Variants in ACTR3B observed in about 807,000 individuals in gnomAD.
The protein encoded by ACTR3B is actin related protein 3B, also known as actin-related protein 3B.
In ACTR3B, 8 loss-of-function variants were observed where a neutral mutation model predicts 59.0. The ratio of observed to expected loss-of-function variants is 0.14; its 90% CI spans 0.08 to 0.24. The LOEUF is 0.24. Among genes scored for constraint, ACTR3B ranks in the 10% least tolerant of loss-of-function variants. The probability of loss-of-function intolerance (pLI) is 1.00; values close to 1 mark genes in which losing one functional copy is unlikely to be tolerated. For missense variants in ACTR3B, 245 were observed against 552.3 expected (o/e 0.44, Z 5.58); for synonymous variants, 148 against 197.9 (o/e 0.75, Z 2.12).
intron 2 of ACTR3B, among the ~76,000 whole-genome samples, chr7:152,786,893 T>A (rs1021235363): frequency 1.3e-5 from 2 of 152,238 alleles, no homozygotes; most frequent in African/African-American, 4.8e-5. Context: ...TATGTTTTTA[T>A]CATACATACA....
At chr7:152,781,254 A>T (rs903341117) in intron 1 of ACTR3B, among the ~76,000 whole-genome samples, 2 of 136,136 alleles carry the variant, frequency 1.5e-5, no homozygotes, top group Non-Finnish European at 3.1e-5. Context: ...CTCCTCTTTA[A>T]GTAGGAGATT....
At chr7:152,849,352 G>A (rs562161264) in intron 9 of ACTR3B, among the ~76,000 whole-genome samples, 1 of 152,188 alleles carries the variant, frequency 6.6e-6, no homozygotes, top group African/African-American at 2.4e-5. Flanking sequence ...CCGGAGGATC[G>A]CTTCACTGCT....
intron 9 of ACTR3B, among the ~76,000 whole-genome samples, chr7:152,847,353 A>G (rs1798433682): frequency 6.6e-6 from 1 of 152,206 alleles, no homozygotes; most frequent in Non-Finnish European, 1.5e-5. Context: ...TGCCCATCAC[A>G]GGGATGTTTA....
chr7:152,821,474 A>G (rs183764830), intron 7 of ACTR3B, among the ~76,000 whole-genome samples: 3 of 146,234 alleles, frequency 2.1e-5, no homozygotes, highest in Non-Finnish European at 4.6e-5. Context: ...TCAAAAAAGA[A>G]AAAAAAAAAA....
intron 2 of ACTR3B, among the ~76,000 whole-genome samples, chr7:152,785,161 T>C (rs1461421166): frequency 1.3e-5 from 2 of 151,622 alleles, no homozygotes; most frequent in Non-Finnish European, 2.9e-5. Flanking sequence ...AAGCTGTCGG[T>C]AGCATTCAGT....
Position 152,778,084 on chromosome 7 carries a change from T to C in ACTR3B, c.45-5103T>C, listed in dbSNP as rs2098140739. On this transcript the variant is annotated intron_variant, in intron 1 of 11. Transcript: ENST00000256001. ...ATCAGAATAATGATAGTAGATCTCC[T>C]TGGCTTAATTCTGGCTTCAATAAGG... 2.0e-5 allele frequency among the ~76,000 whole-genome samples: 3 copies of C among 152,164 alleles called. No individual in the cohort carries two copies. In the South Asian group the frequency reaches 6.2e-4, roughly 31 times the overall value.
chr7:152,795,487 A>T (rs931086780), intron 2 of ACTR3B, among the ~76,000 whole-genome samples: 2 of 152,268 alleles, frequency 1.3e-5, no homozygotes, highest in Non-Finnish European at 2.9e-5. Flanking sequence ...TAGCTAGCTT[A>T]ATAGCTCTCT....
In ACTR3B at chr7:152,844,841, C is replaced by T. The variant is rs1344318997; in HGVS notation, c.952-7285C>T. ...ATCACTCCAAGGATTTAATGTGAGT[C>T]TGATTGTATTTGTTAAGTCCTCTTT... On this transcript the variant is annotated intron_variant, in intron 9 of 11. Transcript: ENST00000256001. Among the ~76,000 whole-genome samples, 7 of 144,224 alleles carry T rather than the reference C, an allele frequency of 4.9e-5. No individual in the cohort carries two copies. In the East Asian group the frequency reaches 1.1e-3, roughly 22 times the overall value. The allele number at this position is 144,224 out of a possible 152,430, so 94.6% of individuals were successfully genotyped here. A position where few individuals can be genotyped will look rare whatever the true frequency, so the allele number is the denominator to read the frequency against.
At chr7:152,851,999 C>T (rs916491173) in intron 9 of ACTR3B, 127 bp from the exon 10 acceptor site, 6 of 1,310,206 alleles carry the variant, frequency 4.6e-6, no homozygotes, top group Admixed American at 2.2e-5. Flanking sequence ...CTTTTGTTCG[C>T]ATCTTTCATA....
At chr7:152,776,926 T>C (rs1312483377) in intron 1 of ACTR3B, among the ~76,000 whole-genome samples, 1 of 152,240 alleles carries the variant, frequency 6.6e-6, no homozygotes, top group Non-Finnish European at 1.5e-5. Flanking sequence ...AGAATTTTAT[T>C]GAATGGATGT....
At position 152,854,351 on chromosome 7, in the gene ACTR3B, G is replaced by A. The variant is rs1799085721; in HGVS notation, c.1162-107G>A. 4.2e-6 allele frequency: 4 copies of A among 945,610 alleles called. No homozygotes were observed. Among genetic ancestry groups the A allele is most frequent in the Non-Finnish European group, 5.1e-6 (3 of 586,218 alleles). The allele number at this position is 945,610 out of a possible 1,614,324, so 58.6% of individuals were successfully genotyped here. On this transcript the variant is annotated intron_variant, in intron 11 of 11. Transcript: ENST00000256001. This position sits in a 1 kb window ranked among gnomAD's most constrained non-coding sequence, Gnocchi z 4.9. ...AATCTTGCAGCAGCGGTCCTGGGAGGGAGGGTGGAGGCCGGGATGAGGAGA... is the reference window on the plus strand; with the variant it reads ...AATCTTGCAGCAGCGGTCCTGGGAGAGAGGGTGGAGGCCGGGATGAGGAGA...
intron 1 of ACTR3B, among the ~76,000 whole-genome samples, chr7:152,777,006 G>A (rs1208315910): frequency 6.6e-6 from 1 of 152,032 alleles, no homozygotes; most frequent in Non-Finnish European, 1.5e-5. Context: ...TGCTATTATA[G>A]TGCTTCACCG....
chr7:152,806,143 C>T (rs561176924), intron 4 of ACTR3B, among the ~76,000 whole-genome samples: 1 of 152,328 alleles, frequency 6.6e-6, no homozygotes, highest in South Asian at 2.1e-4. Flanking sequence ...CCCAGAAAAA[C>T]TGGACGTCTC....
intron 7 of ACTR3B, 60 bp downstream of exon 7, chr7:152,820,502 TC>T: frequency 6.4e-7 from 1 of 1,551,186 alleles, no homozygotes; most frequent in Non-Finnish European, 8.8e-7. Flanking sequence ...TCTGGACACT[TC>T]CCCTTGGTGC....
intron 9 of ACTR3B, among the ~76,000 whole-genome samples, chr7:152,834,119 C>T (rs1371130376): frequency 6.7e-6 from 1 of 150,236 alleles, no homozygotes; most frequent in African/African-American, 2.5e-5. Context: ...AACACTTTTA[C>T]AAAGGAGAAT....
intron 4 of ACTR3B, among the ~76,000 whole-genome samples, chr7:152,806,801 C>G (rs2098253565): frequency 1.3e-5 from 2 of 152,178 alleles, no homozygotes; most frequent in Admixed American, 6.5e-5. Flanking sequence ...CTGGGAAATG[C>G]TTTTTTCTGG....
intron 1 of ACTR3B, among the ~76,000 whole-genome samples, chr7:152,761,589 A>T (rs1469615342): frequency 6.6e-6 from 1 of 152,178 alleles, no homozygotes; most frequent in African/African-American, 2.4e-5. Context: ...TAACTTGGAG[A>T]TTCAACTTCT....
In ACTR3B at chr7:152,854,703, C is replaced by T. The variant is rs11103; in HGVS notation, c.*150C>T. ...GCCGGTGCATGAGGCGCGGCGCGGGCCCTTCAGTAAAAGCCATTTATCCGT... is the reference window on the plus strand; with the variant it reads ...GCCGGTGCATGAGGCGCGGCGCGGGTCCTTCAGTAAAAGCCATTTATCCGT... On this transcript the variant is annotated 3_prime_UTR_variant, in exon 12 of 12. Coordinates refer to ENST00000256001, the MANE Select transcript of ACTR3B (RefSeq NM_020445.6). The surrounding 1 kb of genome is among the most constrained non-coding windows in gnomAD (Gnocchi z 4.9). 8,983 of 737,170 alleles carry T rather than the reference C, an allele frequency of 0.012. 77 individuals are homozygous for T. The highest frequency in any genetic ancestry group is 0.038 in the Middle Eastern group (97 of 2,548). 45.7% of individuals were successfully genotyped at this position (737,170 alleles called of 1,614,324 possible).
intron 9 of ACTR3B, among the ~76,000 whole-genome samples, chr7:152,850,852 G>A (rs1798748224): frequency 6.6e-6 from 1 of 152,236 alleles, no homozygotes. Flanking sequence ...AGCTGACTGG[G>A]AGGAGTGCCT....
Sources: gnomAD v4.1 joint callset for allele counts (sites outside exome capture counted in the v4.1 genomes callset) on GRCh38, gnomAD v4.1.1 for gene constraint, Gnocchi (gnomAD v3.1) non-coding constraint, MANE v1.5 for transcripts, NCBI Gene and HGNC (gene_info 2026-07-23, HGNC 2026-07-21) for gene names.